UBR3: variants seen among roughly 807,000 people sequenced by gnomAD.
The protein encoded by UBR3 is ubiquitin protein ligase E3 component n-recognin 3, also known as E3 ubiquitin-protein ligase UBR3.
In UBR3, 85 loss-of-function variants were observed where a neutral mutation model predicts 243.2. The observed-to-expected ratio is 0.35, with a 90% CI of 0.29 to 0.42. UBR3 has a LOEUF of 0.42. UBR3 is among the 10% of genes least tolerant of loss of function. UBR3 has a pLI of 1.00. For missense variants in UBR3, 1,686 were observed against 2,300.8 expected, an observed-to-expected ratio of 0.73 and a Z score of 5.47; for synonymous variants, 748 against 799.8, an observed-to-expected ratio of 0.94 and a Z score of 1.09.
At chr2:169,951,489 T>G (rs2087026245) in intron 23 of UBR3, among the ~76,000 whole-genome samples, 1 of 152,150 alleles carries the variant, frequency 6.6e-6, no homozygotes, top group Non-Finnish European at 1.5e-5. Context: ...AGAGACAGAC[T>G]GGTAAACAGA....
chr2:169,864,892 G>A (rs1243661801), intron 1 of UBR3, among the ~76,000 whole-genome samples: 1 of 141,618 alleles, frequency 7.1e-6, no homozygotes, highest in African/African-American at 2.7e-5. Flanking sequence ...GGGTGACGGA[G>A]CGAGACTCCG....
At chr2:169,943,118 T>A (rs1237089714) in intron 20 of UBR3, among the ~76,000 whole-genome samples, 1 of 152,208 alleles carries the variant, frequency 6.6e-6, no homozygotes, top group Admixed American at 6.5e-5. Flanking sequence ...TTGATAAACA[T>A]TTTAGGAACT....
Position 169,949,775 on chromosome 2 carries a change from T to G in UBR3, c.3255T>G (p.Ile1085Met). The G allele has an allele frequency of 6.4e-7, 1 of 1,551,676 alleles. No individual in the cohort carries two copies. Among genetic ancestry groups the G allele is most frequent in the Non-Finnish European group, 8.7e-7 (1 of 1,146,830 alleles). Residue 1085 changes from isoleucine (I) to methionine (M), a missense_variant, in exon 23 of 39, where the codon ATT (isoleucine) becomes ATG (methionine). By Grantham distance (10) the Ile-to-Met change is conservative. Coordinates refer to ENST00000272793, the MANE Select transcript of UBR3 (RefSeq NM_172070.4). ...AGTTAACTACAGCCATTTTGGAAAT[T>G]AAAGAAAGCATATTGTCTTTGCTAA... ...APQLTTAILE[I>M]KESILSLLIK...
intron 29 of UBR3, chr2:170,014,985 C>A: frequency 1.2e-4 from 18 of 147,836 alleles, no homozygotes; most frequent in East Asian, 1.6e-4. Context: ...TTTTTTTTTT[C>A]TTAAGGCCTA....
chr2:169,932,597 T>C (rs1446672647), intron 18 of UBR3, among the ~76,000 whole-genome samples: 1 of 152,198 alleles, frequency 6.6e-6, no homozygotes, highest in Non-Finnish European at 1.5e-5. Flanking sequence ...CCTAACCTGC[T>C]GTGTTTCTTT....
intron 11 of UBR3, among the ~76,000 whole-genome samples, chr2:169,920,521 G>A (rs934455505): frequency 2.6e-5 from 4 of 151,972 alleles, no homozygotes; most frequent in Non-Finnish European, 5.9e-5. Context: ...TCAGGGTTAG[G>A]GCACCTGGAC....
At chr2:170,073,069 A>G (rs915272073) in intron 35 of UBR3, among the ~76,000 whole-genome samples, 1 of 152,160 alleles carries the variant, frequency 6.6e-6, no homozygotes, top group South Asian at 2.1e-4. Flanking sequence ...TGACAACCTA[A>G]AAGTTTTAAA....
chr2:170,015,358 CTTGT>C lies in UBR3; in HGVS notation c.4448_4451del (p.Cys1483Ter). ...GGTGCAAGCACAGCTGGCAAAAGGT[CTTGT>C]TTAAGTAAGTACTAAATACTGCTAA... On this transcript the variant is annotated frameshift_variant, in exon 30 of 39. Transcript: ENST00000272793. LOFTEE classifies it high-confidence loss of function. 6.2e-7 allele frequency: 1 copy of C among 1,610,868 alleles called. No individual in the cohort carries two copies. Among genetic ancestry groups the C allele is most frequent in the South Asian group, 1.1e-5 (1 of 90,704 alleles).
intron 26 of UBR3, among the ~76,000 whole-genome samples, chr2:169,999,606 C>A (rs2089618208): frequency 6.6e-6 from 1 of 152,174 alleles, no homozygotes; most frequent in Admixed American, 6.5e-5. Flanking sequence ...CTTGTGCCTT[C>A]ATATTGCTCT....
chr2:169,890,542 T>TAGATAG (rs200566939), intron 5 of UBR3, among the ~76,000 whole-genome samples: 1,071 of 61,876 alleles, frequency 0.017, 35 homozygotes, highest in African/African-American at 0.058. Context: ...GAGAGAGAGA[T>TAGATAG]ATATATATAT....
chr2:169,868,757 A>C (rs2083337784), intron 1 of UBR3, among the ~76,000 whole-genome samples: 1 of 152,260 alleles, frequency 6.6e-6, no homozygotes, highest in Non-Finnish European at 1.5e-5. Flanking sequence ...ACTGTAATGA[A>C]CTAGTACCCA....
intron 17 of UBR3, among the ~76,000 whole-genome samples, chr2:169,928,288 A>G (rs969336506): frequency 6.6e-6 from 1 of 151,854 alleles, no homozygotes; most frequent in African/African-American, 2.4e-5. Flanking sequence ...TTTGCTTAGT[A>G]TTTTTTTCTT....
intron 35 of UBR3, among the ~76,000 whole-genome samples, chr2:170,062,957 G>T (rs965086054): frequency 2.6e-5 from 4 of 152,190 alleles, no homozygotes; most frequent in African/African-American, 9.7e-5. Flanking sequence ...TTAAAATATA[G>T]TTGTAATGGA....
intron 24 of UBR3, among the ~76,000 whole-genome samples, chr2:169,976,794 A>G (rs1193464966): frequency 1.3e-5 from 2 of 152,074 alleles, no homozygotes; most frequent in African/African-American, 2.4e-5. Flanking sequence ...CTAGATGTCC[A>G]TATTTCTTCC....
intron 25 of UBR3, among the ~76,000 whole-genome samples, chr2:169,987,258 T>G (rs1195927049): frequency 6.6e-6 from 1 of 151,398 alleles, no homozygotes; most frequent in African/African-American, 2.4e-5. Flanking sequence ...GCCGGTGTGG[T>G]GGAGGGCGCC....
intron 31 of UBR3, among the ~76,000 whole-genome samples, chr2:170,030,844 CTA>C (rs1167009906): frequency 6.6e-6 from 1 of 151,982 alleles, no homozygotes; most frequent in Non-Finnish European, 1.5e-5. Flanking sequence ...GAAGTAAAAA[CTA>C]TATAACAAAA....
rs570005042 is a variant in UBR3, at chr2:170,026,713, A to G, written c.4454-2633A>G. Among the ~76,000 whole-genome samples, 4 of 152,294 alleles carry G rather than the reference A, an allele frequency of 2.6e-5. No homozygotes were observed. In the East Asian group the frequency reaches 5.8e-4, roughly 22 times the overall value. On this transcript the variant is annotated intron_variant, in intron 30 of 38. Coordinates refer to ENST00000272793, the MANE Select transcript of UBR3 (RefSeq NM_172070.4). ...TTAGAATTTTAAAATGTGTTATACTAGGAAAGGAGTTATCCTTTTTTGTTA... is the reference window on the plus strand; with the variant it reads ...TTAGAATTTTAAAATGTGTTATACTGGGAAAGGAGTTATCCTTTTTTGTTA...
At chr2:169,884,068 G>A (rs987578258) in intron 5 of UBR3, among the ~76,000 whole-genome samples, 2 of 151,926 alleles carry the variant, frequency 1.3e-5, no homozygotes, top group Non-Finnish European at 2.9e-5. Context: ...CCTGACCTCA[G>A]GTGATTCACC....
chr2:169,926,341 A>C (rs1221824112), intron 14 of UBR3, among the ~76,000 whole-genome samples: 1 of 152,148 alleles, frequency 6.6e-6, no homozygotes, highest in Non-Finnish European at 1.5e-5. Context: ...TTATCCCAGC[A>C]CTCTGGGAGG....
Sources: gnomAD v4.1 joint callset for allele counts (sites outside exome capture counted in the v4.1 genomes callset) on GRCh38, gnomAD v4.1.1 for gene constraint, MANE v1.5 for transcripts, NCBI Gene and HGNC (gene_info 2026-07-23, HGNC 2026-07-21) for gene names.